CACNA1H: variants seen among roughly 807,000 people sequenced by gnomAD.
CACNA1H encodes the protein calcium voltage-gated channel subunit alpha1 H.
In CACNA1H, 149 loss-of-function variants were observed where a neutral mutation model predicts 192.5. The ratio of observed to expected loss-of-function variants is 0.77; its 90% CI spans 0.68 to 0.89. CACNA1H has a LOEUF of 0.89. Among genes scored for constraint, CACNA1H ranks in the 40% least tolerant of loss-of-function variants. The pLI is 0.00. For missense variants in CACNA1H, 4,257 were observed against 3,423.5 expected (o/e 1.24, Z -6.08); for synonymous variants, 2,202 against 1,475.2 (o/e 1.49, Z -11.29).
chr16:1,200,227 C>G (rs779743613), intron 6 of CACNA1H, 29 bp from the exon 7 acceptor site: 23 of 1,561,344 alleles, frequency 1.5e-5, no homozygotes, highest in Admixed American at 3.8e-5. Flanking sequence ...CTGATTGTAC[C>G]TTTTGGCCCT....
chr16:1,154,100 G>GTGGGGAGGGT (rs1961955736), intron 2 of CACNA1H, 64 bp downstream of exon 2: 1 of 1,026,298 alleles, frequency 9.7e-7, no homozygotes, highest in African/African-American at 1.7e-5. Context: ...GGCCCGGGGC[G>GTGGGGAGGGT]CGGGACTCCC....
rs116326670 is a variant in CACNA1H, at chr16:1,198,528, G to A, written c.644-87G>A. 1,793 of 1,464,102 alleles carry A rather than the reference G, an allele frequency of 1.2e-3. 22 individuals carry two copies. In the African/African-American group the frequency reaches 0.022, roughly 18 times the overall value. The allele number at this position is 1,464,102 out of a possible 1,614,324, so 90.7% of individuals were successfully genotyped here. A position where few individuals can be genotyped will look rare whatever the true frequency, so the allele number is the denominator to read the frequency against. On this transcript the variant is annotated intron_variant, in intron 5 of 34. Coordinates refer to ENST00000348261, the MANE Select transcript of CACNA1H (RefSeq NM_021098.3). Reference sequence around the variant, plus strand: ...TGGACACCCACTGTGAACAGTGGACGGGGCTCGGGGGTCCCGGGAGGGGCT... The same window carrying A: ...TGGACACCCACTGTGAACAGTGGACAGGGCTCGGGGGTCCCGGGAGGGGCT...
chr16:1,164,499 A>G (rs1963554468), intron 2 of CACNA1H, among the ~76,000 whole-genome samples: 1 of 152,142 alleles, frequency 6.6e-6, no homozygotes, highest in African/African-American at 2.4e-5. Context: ...GCCGGGCCTC[A>G]TACTCTGTTC....
intron 31 of CACNA1H, among the ~76,000 whole-genome samples, chr16:1,217,345 A>G (rs1342761485): frequency 6.6e-6 from 1 of 152,194 alleles, no homozygotes; most frequent in Admixed American, 6.5e-5. Context: ...GCCATGCCCA[A>G]CGTCACATGG....
chr16:1,181,496 A>G (rs1481453763), intron 2 of CACNA1H, among the ~76,000 whole-genome samples: 1 of 152,214 alleles, frequency 6.6e-6, no homozygotes, highest in African/African-American at 2.4e-5. Context: ...GTGTGGCTGC[A>G]CGCTGCCACC....
chr16:1,200,659 G>T, intron 7 of CACNA1H, 57 bp from the exon 8 acceptor site: 1 of 1,576,306 alleles, frequency 6.3e-7, no homozygotes, highest in Non-Finnish European at 8.6e-7. Flanking sequence ...GACCCCAGGG[G>T]CACGGGGAGG....
Position 1,194,962 on chromosome 16 carries a change from G to A in CACNA1H, c.300-10G>A, listed in dbSNP as rs756745629. 4 of 1,601,920 alleles carry A rather than the reference G, an allele frequency of 2.5e-6. No homozygotes were observed. The highest frequency in any genetic ancestry group is 2.2e-5 in the East Asian group (1 of 44,804). On this transcript the variant is annotated splice_polypyrimidine_tract_variant and intron_variant, in intron 2 of 34. Transcript: ENST00000348261. ...GCCGCGCCGGTGTGCTCCTTAACCC[G>A]CGGCGACACATGGTTCGAGCACGTG...
rs1197434973 is a variant in CACNA1H at position 1,169,420 on chromosome 16, CA to C, written c.299+15385del. Among the ~76,000 whole-genome samples the C allele has an allele frequency of 7.2e-5, 11 of 152,324 alleles. No individual in the cohort carries two copies. The East Asian group carries it at 2.1e-3, about 29-fold the overall frequency. ...GGTGGGTTGGGCCCCGAGAGGGTGG[CA>C]GGGGCATTCGCCTTGGTCCTCGCCA... On this transcript the variant is annotated intron_variant, in intron 2 of 34. Transcript: ENST00000348261.
At chr16:1,174,477 C>G (rs992044254) in intron 2 of CACNA1H, among the ~76,000 whole-genome samples, 1 of 151,756 alleles carries the variant, frequency 6.6e-6, no homozygotes, top group African/African-American at 2.4e-5. Flanking sequence ...CTGGCCCAGC[C>G]TGGACTCTGC....
chr16:1,166,517 T>C (rs1320838943), intron 2 of CACNA1H, among the ~76,000 whole-genome samples: 1 of 152,212 alleles, frequency 6.6e-6, no homozygotes, highest in Non-Finnish European at 1.5e-5. Flanking sequence ...AAGGGTCCAA[T>C]TCGGTCGTTC....
chr16:1,205,725 CAA>C (rs1382090580), intron 11 of CACNA1H, among the ~76,000 whole-genome samples: 2 of 152,172 alleles, frequency 1.3e-5, no homozygotes, highest in Non-Finnish European at 2.9e-5. Context: ...GCTCATCCCT[CAA>C]GAGTAGAGAG....
At chr16:1,200,122 C>T (rs1384616383) in intron 6 of CACNA1H, 134 bp from the exon 7 acceptor site, 13 of 720,566 alleles carry the variant, frequency 1.8e-5, no homozygotes, top group Admixed American at 1.2e-4. Flanking sequence ...CCTCCCTAAC[C>T]ATGATTAGTC....
At chr16:1,201,572 C>T in intron 8 of CACNA1H, 91 bp from the exon 9 acceptor site, 1 of 1,429,222 alleles carries the variant, frequency 7.0e-7, no homozygotes. Flanking sequence ...GTGACGCGGC[C>T]CCCACTCGAA....
chr16:1,172,289 C>G (rs1964444072), intron 2 of CACNA1H, among the ~76,000 whole-genome samples: 1 of 152,204 alleles, frequency 6.6e-6, no homozygotes, highest in Non-Finnish European at 1.5e-5. Context: ...TGCATCACCG[C>G]AGCCTTGCCT....
At chr16:1,206,710 G>A (rs1968757334) in intron 12 of CACNA1H, 1 of 465,116 alleles carries the variant, frequency 2.2e-6, no homozygotes, top group Non-Finnish European at 3.9e-6. Flanking sequence ...GAATGAGGCA[G>A]GTGTCCCAGG....
rs191129522 is a variant in CACNA1H, at chr16:1,208,818, G to A, written c.3364-214G>A. On this transcript the variant is annotated intron_variant, in intron 16 of 34. Coordinates refer to ENST00000348261, the MANE Select transcript of CACNA1H (RefSeq NM_021098.3). ...GGCCCCTGACCCAGCAGAGCCCAGGGCATCACCCCCGCGAGGCGGACACCC... is the reference window on the plus strand; with the variant it reads ...GGCCCCTGACCCAGCAGAGCCCAGGACATCACCCCCGCGAGGCGGACACCC... Among the ~76,000 whole-genome samples the A allele has an allele frequency of 7.9e-5, 12 of 152,302 alleles. No individual in the cohort carries two copies. The East Asian group carries it at 2.1e-3, about 27-fold the overall frequency.
At chr16:1,198,223 G>C (rs917949181) in intron 5 of CACNA1H, among the ~76,000 whole-genome samples, 3 of 152,104 alleles carry the variant, frequency 2.0e-5, no homozygotes, top group African/African-American at 7.2e-5. Context: ...TGGTCATCCC[G>C]AGCCCGAGAT....
rs55848633 is a variant in CACNA1H at position 1,185,995 on chromosome 16, A to G, written c.300-8977A>G. ...GCCGGAGGCGGGGTGTGTACGGGGCAGGTGAGTAGACGGCGTGCGTAGGGG... is the reference window on the plus strand; with the variant it reads ...GCCGGAGGCGGGGTGTGTACGGGGCGGGTGAGTAGACGGCGTGCGTAGGGG... On this transcript the variant is annotated intron_variant, in intron 2 of 34. Transcript: ENST00000348261. Among the ~76,000 whole-genome samples, 46 of 17,540 alleles carry G rather than the reference A, an allele frequency of 2.6e-3. 1 individual carries two copies. The highest frequency in any genetic ancestry group is 3.4e-3 in the Non-Finnish European group (33 of 9,692). 11.5% of individuals were successfully genotyped at this position (17,540 alleles called of 152,430 possible).
chr16:1,198,807 C>T, intron 6 of CACNA1H, 33 bp downstream of exon 6: 1 of 1,585,274 alleles, frequency 6.3e-7, no homozygotes, highest in Admixed American at 1.8e-5. Context: ...AGGCCCCTGC[C>T]CAGATGGCCC....
Sources: gnomAD v4.1 joint callset for allele counts (sites outside exome capture counted in the v4.1 genomes callset) on GRCh38, gnomAD v4.1.1 for gene constraint, MANE v1.5 for transcripts, NCBI Gene and HGNC (gene_info 2026-07-23, HGNC 2026-07-21) for gene names.